The following CORO7 variants were observed in gnomAD, a reference collection of about 807,000 sequenced individuals.
CORO7 encodes coronin 7.
A neutral mutation model predicts 126.6 loss-of-function variants in CORO7; 107 were observed. That is an observed-to-expected ratio of 0.85 (90% CI 0.72 to 0.99). The LOEUF is 0.99. Among genes scored for constraint, CORO7 ranks in the 50% least tolerant of loss-of-function variants. The pLI is 0.00. For synonymous variants in CORO7, 603 were observed against 536.8 expected (o/e 1.12, Z -1.70); for missense variants, 1,314 against 1,255.8 (o/e 1.05, Z -0.70).
At position 4,362,679 on chromosome 16, in the gene CORO7, C is replaced by T. The variant is rs779436430; in HGVS notation, c.1335G>A (p.Gly445=). The T allele has an allele frequency of 6.7e-7, 1 of 1,493,526 alleles. No homozygotes were observed. Among genetic ancestry groups the T allele is most frequent in the Non-Finnish European group, 8.9e-7 (1 of 1,121,624 alleles). The allele number at this position is 1,493,526 out of a possible 1,614,324, so 92.5% of individuals were successfully genotyped here. A position where few individuals can be genotyped will look rare whatever the true frequency, so the allele number is the denominator to read the frequency against. Residue 445 remains glycine (G), a synonymous_variant, in exon 15 of 28, where the codon GGG becomes GGA. Coordinates refer to ENST00000251166, the MANE Select transcript of CORO7 (RefSeq NM_024535.5). This position sits in a 1 kb window ranked among gnomAD's most constrained non-coding sequence, Gnocchi z 5.3. ...TGCCACTGGTGCTGGAGAGTGAGGG[C>T]CCCAGGCTGGAGGGCGTGGAGGGCG... The part of the protein sequence containing the change: ...LTSPSTPSSL[G]PSLSSTSGIG...
At chr16:4,373,234 G>A (rs900959346) in intron 9 of CORO7, among the ~76,000 whole-genome samples, 1 of 152,168 alleles carries the variant, frequency 6.6e-6, no homozygotes, top group Non-Finnish European at 1.5e-5. Flanking sequence ...GAGGCAGGAA[G>A]AGGCTCTGGT....
rs750987254 is a variant in CORO7, at chr16:4,360,932, A to C, written c.1917+11T>G. On this transcript the variant is annotated intron_variant, in intron 19 of 27. Coordinates refer to ENST00000251166, the MANE Select transcript of CORO7 (RefSeq NM_024535.5). ...TCCACACTGCTGGCCCCACCTCTGCAGCCGTCCTACCTGGTCTTGGTGGCC... is the reference window on the plus strand; with the variant it reads ...TCCACACTGCTGGCCCCACCTCTGCCGCCGTCCTACCTGGTCTTGGTGGCC... The C allele has an allele frequency of 9.3e-6, 15 of 1,608,692 alleles. No individual in the cohort carries two copies. In the South Asian group the frequency reaches 1.6e-4, roughly 18 times the overall value.
intron 23 of CORO7, 122 bp downstream of exon 23, chr16:4,359,174 G>GCCCAGC (rs113814539): frequency 1.5e-5 from 17 of 1,133,228 alleles, no homozygotes; most frequent in African/African-American, 6.3e-5. Context: ...ACAGCCCCAG[G>GCCCAGC]CCCAGCCCCA....
chr16:4,367,261 C>T (rs566926446), intron 9 of CORO7, among the ~76,000 whole-genome samples: 248 of 152,288 alleles, frequency 1.6e-3, no homozygotes, highest in African/African-American at 5.3e-3. Context: ...GAGGTGGAGG[C>T]GGAGGCGGAG....
At position 4,357,233 on chromosome 16, in the gene CORO7, CA is replaced by C. The variant is rs1190743485; in HGVS notation, c.2619del (p.Ala874LeufsTer24). The C allele has an allele frequency of 1.2e-6, 2 of 1,613,514 alleles. No individual in the cohort carries two copies. The highest frequency in any genetic ancestry group is 1.7e-6 in the Non-Finnish European group (2 of 1,179,898). On this transcript the variant is annotated frameshift_variant, in exon 26 of 28. Coordinates refer to ENST00000251166, the MANE Select transcript of CORO7 (RefSeq NM_024535.5). LOFTEE classifies it high-confidence loss of function. ...TGCGCTGAGGATGGGGCCCGACGAG[CA>C]GGGGCCTCTCGGGGGGCTTGGCTCA... Reference protein sequence around the residue: ...SPVSQAPREAPARRAPSSAQY... With the variant: ...SPVSQAPREAXARRAPSSAQY...
Position 4,413,382 on chromosome 16 carries a change from G to A in CORO7, c.83C>T (p.Ala28Val), listed in dbSNP as rs369545017. 1.6e-4 allele frequency: 246 copies of A among 1,578,532 alleles called. No individual in the cohort carries two copies. Among genetic ancestry groups the A allele is most frequent in the Non-Finnish European group, 1.9e-4 (226 of 1,160,778 alleles). Residue 28 changes from alanine to valine, a missense_variant, in exon 2 of 28, where the codon GCA becomes GTA. Physicochemically the swap from Ala to Val is moderately conservative, Grantham distance 64. Coordinates refer to ENST00000251166, the MANE Select transcript of CORO7 (RefSeq NM_024535.5). ...GTTCCTGCATGAAGGGGCGGTTCCT[G>A]CTCGAATGTCACTGATCCAGGACTG... ...RRESWISDIRAGTAPSCRNHI... is the reference protein window; with the variant it reads ...RRESWISDIRVGTAPSCRNHI...
chr16:4,380,811 T>C, intron 9 of CORO7: 1 of 1,417,428 alleles, frequency 7.1e-7, no homozygotes, highest in Non-Finnish European at 9.2e-7. Context: ...TCCTGGCGTG[T>C]CTGCCTTCTA....
intron 6 of CORO7, among the ~76,000 whole-genome samples, chr16:4,401,335 G>T (rs908788581): frequency 1.3e-5 from 2 of 152,246 alleles, no homozygotes; most frequent in African/African-American, 4.8e-5. Flanking sequence ...CACACGCATG[G>T]CTGGCAGAGG....
At chr16:4,402,316 C>G (rs1219205182) in intron 6 of CORO7, among the ~76,000 whole-genome samples, 1 of 152,030 alleles carries the variant, frequency 6.6e-6, no homozygotes, top group Non-Finnish European at 1.5e-5. Context: ...AGTGAAGTGG[C>G]TCAATCCGAG....
intron 9 of CORO7, among the ~76,000 whole-genome samples, chr16:4,384,706 C>T (rs534439636): frequency 3.5e-4 from 54 of 152,298 alleles, no homozygotes; most frequent in African/African-American, 1.3e-3. Flanking sequence ...GGAGGCGGGC[C>T]GTGGGTCATG....
rs771161557 is a variant in CORO7 at position 4,364,890 on chromosome 16, C to G, written c.929G>C (p.Arg310Pro). 6.2e-7 allele frequency: 1 copy of G among 1,611,354 alleles called. No individual in the cohort carries two copies. The highest frequency in any genetic ancestry group is 1.1e-5 in the South Asian group (1 of 90,718). The change falls in exon 12 of 28, where the codon CGT (arginine) becomes CCT (proline). Residue 310 changes from arginine (R) to proline (P), a missense_variant. Coordinates refer to ENST00000251166, the MANE Select transcript of CORO7 (RefSeq NM_024535.5). ...VTQCVLESVL[R>P]GAALVPRQAL... Reference sequence around the variant, plus strand: ...CTGCCGGGGCACAAGGGCAGCCCCACGCAGCACGCTCTCCAGGACACACTG... The same window carrying G: ...CTGCCGGGGCACAAGGGCAGCCCCAGGCAGCACGCTCTCCAGGACACACTG...
At chr16:4,382,675 C>T (rs374640275) in intron 9 of CORO7, 8 of 1,546,384 alleles carry the variant, frequency 5.2e-6, no homozygotes, top group Non-Finnish European at 7.0e-6. Flanking sequence ...CTACTGTGTG[C>T]GGCGGGGGCG....
intron 9 of CORO7, among the ~76,000 whole-genome samples, chr16:4,369,945 T>A (rs112902490): frequency 6.6e-6 from 1 of 151,952 alleles, no homozygotes; most frequent in Admixed American, 6.6e-5. Context: ...CAATGTTGGA[T>A]AAACTGAGAG....
At chr16:4,385,570 G>A (rs781497656) in intron 9 of CORO7, among the ~76,000 whole-genome samples, 2 of 152,128 alleles carry the variant, frequency 1.3e-5, no homozygotes, top group African/African-American at 4.8e-5. Context: ...AGTCCCTCTC[G>A]TTATCCCCCC....
In CORO7 at chr16:4,361,173, G is replaced by A. The variant is rs760130983; in HGVS notation, c.1763C>T (p.Thr588Ile). The A allele has an allele frequency of 3.1e-6, 5 of 1,612,970 alleles. No individual in the cohort carries two copies. The change falls in exon 18 of 28, where the codon ACT becomes ATT. Residue 588 changes from threonine to isoleucine, a missense_variant. Physicochemically the swap from Thr to Ile is moderately conservative, Grantham distance 89. Coordinates refer to ENST00000251166, the MANE Select transcript of CORO7 (RefSeq NM_024535.5). ...GLEEVLTTPE[T>I]VLTGHTEKIC... ...TGAGCCTGCCTGACCTGTGAGCACA[G>A]TCTCTGGCGTGGTGAGCACCTCTTC...
chr16:4,388,173 C>A, intron 8 of CORO7, 105 bp from the exon 9 acceptor site: 1 of 1,429,042 alleles, frequency 7.0e-7, no homozygotes. Context: ...ACACGGGGCA[C>A]CTGCCCCAGA....
In CORO7 at chr16:4,395,150, C is replaced by T. The variant is rs1005061462; in HGVS notation, c.615+139G>A. Reference sequence around the variant, plus strand: ...AGGAAGAGCTCCCAGCAGTGGTGGTCCACCTCCTGGGGACCCCTGGTGCTG... The same window carrying T: ...AGGAAGAGCTCCCAGCAGTGGTGGTTCACCTCCTGGGGACCCCTGGTGCTG... On this transcript the variant is annotated intron_variant, in intron 7 of 27. Transcript: ENST00000251166. The T allele has an allele frequency of 6.9e-5, 83 of 1,196,930 alleles. 2 individuals are homozygous for T. The South Asian group carries it at 1.2e-3, about 17-fold the overall frequency. The allele number at this position is 1,196,930 out of a possible 1,614,324, so 74.1% of individuals were successfully genotyped here.
At chr16:4,358,198 C>T in intron 24 of CORO7, 95 bp from the exon 25 acceptor site, 1 of 1,548,056 alleles carries the variant, frequency 6.5e-7, no homozygotes, top group Non-Finnish European at 8.8e-7. Context: ...ACCTGGGACC[C>T]TCCCACCAGC....
rs144301938 is a variant in CORO7 at position 4,382,158 on chromosome 16, C to T, written c.785+5828G>A. ...CATGCCACCTGGGGACACGGCACCACCTGGCGTGCTTGTGCCCCGAAGGCT... is the reference window on the plus strand; with the variant it reads ...CATGCCACCTGGGGACACGGCACCATCTGGCGTGCTTGTGCCCCGAAGGCT... On this transcript the variant is annotated intron_variant, in intron 9 of 27. Transcript: ENST00000251166. 58 of 1,593,364 alleles carry T rather than the reference C, an allele frequency of 3.6e-5. No individual in the cohort carries two copies. In the African/African-American group the frequency reaches 6.4e-4, roughly 18 times the overall value.
Sources: gnomAD v4.1 joint callset for allele counts (sites outside exome capture counted in the v4.1 genomes callset) on GRCh38, gnomAD v4.1.1 for gene constraint, Gnocchi (gnomAD v3.1) non-coding constraint, MANE v1.5 for transcripts, NCBI Gene and HGNC (gene_info 2026-07-23, HGNC 2026-07-21) for gene names.